Variants in SUPT3H observed in about 807,000 individuals in gnomAD.
The protein encoded by SUPT3H is transcription initiation protein SPT3 homolog.
SUPT3H carries 44 observed loss-of-function variants against 44.3 expected under a neutral mutation model. That is an observed-to-expected ratio of 0.99 (90% CI 0.78 to 1.28). The LOEUF is 1.28. SUPT3H is among the 50% of genes most tolerant of loss of function. SUPT3H has a pLI of 0.00. For missense variants in SUPT3H, 380 were observed against 387.1 expected (o/e 0.98, Z 0.15); for synonymous variants, 124 against 125.6 (o/e 0.99, Z 0.09).
At chr6:45,245,843 T>C (rs1262964204) in intron 2 of SUPT3H, among the ~76,000 whole-genome samples, 2 of 152,146 alleles carry the variant, frequency 1.3e-5, no homozygotes, top group Non-Finnish European at 2.9e-5. Context: ...TGTTTAATTT[T>C]TGAAGAACCA....
At chr6:44,815,998 A>C (rs115334010) in intron 11 of SUPT3H, among the ~76,000 whole-genome samples, 6,822 of 152,210 alleles carry the variant, frequency 0.045, 188 homozygotes, top group Admixed American at 0.08. Context: ...CAAACCTTAG[A>C]AAACCTAAAG....
intron 10 of SUPT3H, among the ~76,000 whole-genome samples, chr6:44,885,640 A>G (rs1381849479): frequency 1.3e-5 from 2 of 152,196 alleles, no homozygotes; most frequent in Non-Finnish European, 2.9e-5. Context: ...AAAGACCAAA[A>G]GAAGACAAAA....
chr6:45,084,172 C>T (rs765790084), intron 3 of SUPT3H, among the ~76,000 whole-genome samples: 1 of 152,110 alleles, frequency 6.6e-6, no homozygotes, highest in African/African-American at 2.4e-5. Flanking sequence ...AGCTTCTGCA[C>T]AGCAAAAGAA....
At chr6:44,884,525 A>G (rs588848) in intron 10 of SUPT3H, among the ~76,000 whole-genome samples, 59,818 of 152,036 alleles carry the variant, frequency 0.39, 12,768 homozygotes, top group Non-Finnish European at 0.48. Flanking sequence ...CCATTATAAA[A>G]ACACATGCAC....
intron 2 of SUPT3H, among the ~76,000 whole-genome samples, chr6:45,195,873 C>T (rs993080806): frequency 6.6e-5 from 10 of 152,040 alleles, no homozygotes; most frequent in African/African-American, 2.4e-4. Flanking sequence ...TCGGTAGTTA[C>T]AAACTTTCTG....
intron 10 of SUPT3H, among the ~76,000 whole-genome samples, chr6:44,861,322 C>A (rs745701524): frequency 1.1e-4 from 17 of 152,306 alleles, no homozygotes; most frequent in African/African-American, 1.7e-4. Flanking sequence ...GTGATCCTCT[C>A]ACCTCAGCTT....
intron 2 of SUPT3H, among the ~76,000 whole-genome samples, chr6:45,114,932 CT>C (rs1377500179): frequency 6.6e-6 from 1 of 152,086 alleles, no homozygotes; most frequent in Non-Finnish European, 1.5e-5. Context: ...AAAACTAGGA[CT>C]TTTACCTCAT....
intron 10 of SUPT3H, among the ~76,000 whole-genome samples, chr6:44,846,562 T>G (rs2153418775): frequency 6.6e-6 from 1 of 152,024 alleles, no homozygotes; most frequent in African/African-American, 2.4e-5. Flanking sequence ...TGCAGGAAAC[T>G]GAGAAGGGTC....
chr6:45,226,581 C>T (rs1439367806), intron 2 of SUPT3H, among the ~76,000 whole-genome samples: 1 of 152,156 alleles, frequency 6.6e-6, no homozygotes, highest in Non-Finnish European at 1.5e-5. Context: ...GAGTCTTGCT[C>T]TGTCACCCAG....
chr6:45,171,178 T>G (rs539352657), intron 2 of SUPT3H, among the ~76,000 whole-genome samples: 1 of 152,328 alleles, frequency 6.6e-6, no homozygotes, highest in Admixed American at 6.5e-5. Context: ...ATTTTTTGTA[T>G]CTATATTAGT....
At chr6:44,884,897 G>A (rs1253436421) in intron 10 of SUPT3H, among the ~76,000 whole-genome samples, 11 of 152,080 alleles carry the variant, frequency 7.2e-5, no homozygotes, top group East Asian at 1.9e-4. Context: ...CTCGAAAATC[G>A]GGTCACTCCC....
At chr6:45,181,493 T>G (rs1323230050) in intron 2 of SUPT3H, among the ~76,000 whole-genome samples, 1 of 151,686 alleles carries the variant, frequency 6.6e-6, no homozygotes, top group Non-Finnish European at 1.5e-5. Context: ...TAGACTGGAT[T>G]AAGAAAATGT....
At chr6:44,914,836 T>C (rs530487375) in intron 10 of SUPT3H, among the ~76,000 whole-genome samples, 1 of 152,288 alleles carries the variant, frequency 6.6e-6, no homozygotes, top group African/African-American at 2.4e-5. Flanking sequence ...AGTCCTTTGG[T>C]CTACCTGAGG....
chr6:45,009,552 A>G (rs1356244019), intron 5 of SUPT3H, among the ~76,000 whole-genome samples: 1 of 152,114 alleles, frequency 6.6e-6, no homozygotes, highest in African/African-American at 2.4e-5. Context: ...TGCTCCAGCA[A>G]TATTTGTCAA....
intron 10 of SUPT3H, among the ~76,000 whole-genome samples, chr6:44,930,421 G>A (rs1207611328): frequency 2.6e-5 from 4 of 151,358 alleles, no homozygotes; most frequent in Non-Finnish European, 5.9e-5. Flanking sequence ...AAATTAGTTG[G>A]GCATGGTGGC....
At chr6:45,270,438 T>C (rs1775932555) in intron 2 of SUPT3H, among the ~76,000 whole-genome samples, 1 of 152,124 alleles carries the variant, frequency 6.6e-6, no homozygotes, top group African/African-American at 2.4e-5. Context: ...GTTCTCGCGG[T>C]AGTACATAAG....
chr6:44,965,960 C>T (rs780357380), intron 6 of SUPT3H, among the ~76,000 whole-genome samples: 1 of 152,066 alleles, frequency 6.6e-6, no homozygotes, highest in Non-Finnish European at 1.5e-5. Context: ...AAAAGAAATG[C>T]GTTTAAGTAC....
At chr6:45,046,956 T>C (rs1789494304) in intron 3 of SUPT3H, among the ~76,000 whole-genome samples, 1 of 152,190 alleles carries the variant, frequency 6.6e-6, no homozygotes, top group African/African-American at 2.4e-5. Context: ...TTTGTTAAAT[T>C]TACCCATAGA....
At chr6:45,287,106 A>G (rs7765383) in intron 2 of SUPT3H, among the ~76,000 whole-genome samples, 146,960 of 152,154 alleles carry the variant, frequency 0.97, 71,004 homozygotes, top group East Asian at 1. Flanking sequence ...GTCGGAGGAG[A>G]GGGGAGGGAT....
Sources: allele counts gnomAD v4.1 joint callset (sites outside exome capture counted in the v4.1 genomes callset), GRCh38; gene constraint gnomAD v4.1.1; transcripts MANE v1.5; gene names NCBI Gene and HGNC (gene_info 2026-07-23, HGNC 2026-07-21).